The following ZFYVE16 variants were observed in gnomAD, a reference collection of about 807,000 sequenced individuals.
The protein encoded by ZFYVE16 is zinc finger FYVE-type containing 16.
A neutral mutation model predicts 138.1 loss-of-function variants in ZFYVE16; 89 were observed. The observed-to-expected ratio is 0.64, with a 90% CI of 0.54 to 0.77. The LOEUF (loss-of-function observed/expected upper bound fraction) is 0.77. Among genes scored for constraint, ZFYVE16 ranks in the 30% least tolerant of loss-of-function variants. ZFYVE16 has a pLI of 0.00. For missense variants in ZFYVE16, 1,793 were observed against 1,786.7 expected (o/e 1.00, Z -0.06); for synonymous variants, 596 against 618.3 (o/e 0.96, Z 0.53).
chr5:80,425,417 G>C (rs1747850759), intron 1 of ZFYVE16, among the ~76,000 whole-genome samples: 1 of 152,100 alleles, frequency 6.6e-6, no homozygotes, highest in Non-Finnish European at 1.5e-5. Flanking sequence ...CCTCTTATTT[G>C]TTTATTGTCT....
At chr5:80,462,401 T>G (rs906214706) in intron 15 of ZFYVE16, among the ~76,000 whole-genome samples, 1 of 152,162 alleles carries the variant, frequency 6.6e-6, no homozygotes, top group African/African-American at 2.4e-5. Flanking sequence ...GAAGAGCCCC[T>G]TATAAAACCA....
chr5:80,449,787 T>C (rs1580276311), intron 9 of ZFYVE16, 74 bp downstream of exon 9: 2 of 1,431,596 alleles, frequency 1.4e-6, no homozygotes, highest in East Asian at 2.5e-5. Flanking sequence ...TCAGGTTAGA[T>C]TTTGACTGGC....
chr5:80,407,799 C>G (rs1744814928), upstream of ZFYVE16, among the ~76,000 whole-genome samples: 1 of 152,328 alleles, frequency 6.6e-6, no homozygotes, highest in Middle Eastern at 3.4e-3. Context: ...CCCGATCCCG[C>G]AGTCGAGTGG....
chr5:80,440,986 C>A, intron 5 of ZFYVE16: 1 of 985,362 alleles, frequency 1.0e-6, no homozygotes, highest in Non-Finnish European at 1.2e-6. Context: ...CTGTTGACCT[C>A]TGCTCTGGAA....
rs1386365697 is a variant in ZFYVE16, at chr5:80,478,065, A to C, written c.*688A>C. 1 of 152,056 alleles carries C rather than the reference A, an allele frequency of 6.6e-6. No homozygotes were observed. The highest frequency in any genetic ancestry group is 2.4e-5 in the African/African-American group (1 of 41,432). 9.4% of individuals were successfully genotyped at this position (152,056 alleles called of 1,614,324 possible). ...GGGTGCTTCAGGACTTTTTGCTTCT[A>C]TATTTAAGTATATTGTTTTTATAGC... On this transcript the variant is annotated 3_prime_UTR_variant, in exon 19 of 19. Coordinates refer to ENST00000505560, the MANE Select transcript of ZFYVE16 (RefSeq NM_001284236.3).
intron 1 of ZFYVE16, among the ~76,000 whole-genome samples, chr5:80,411,077 C>T (rs1745384426): frequency 6.6e-6 from 1 of 151,688 alleles, no homozygotes; most frequent in African/African-American, 2.4e-5. Context: ...AAGCGATTCT[C>T]CTGCTTTAGC....
At chr5:80,475,406 A>G (rs1754802853) in intron 18 of ZFYVE16, among the ~76,000 whole-genome samples, 1 of 152,242 alleles carries the variant, frequency 6.6e-6, no homozygotes, top group African/African-American at 2.4e-5. Context: ...CCAGACTACA[A>G]TGTAAATGGT....
chr5:80,445,475 T>C, intron 7 of ZFYVE16, 70 bp downstream of exon 7: 1 of 1,404,176 alleles, frequency 7.1e-7, no homozygotes, highest in Non-Finnish European at 9.5e-7. Flanking sequence ...CTGGTGTGAT[T>C]ATTAGAGTGC....
chr5:80,413,111 G>A (rs1423460035), intron 1 of ZFYVE16, among the ~76,000 whole-genome samples: 1 of 152,064 alleles, frequency 6.6e-6, no homozygotes, highest in Non-Finnish European at 1.5e-5. Context: ...AGCACGTGGA[G>A]GCTATAGTGA....
At position 80,451,804 on chromosome 5, in the gene ZFYVE16, A is replaced by C. The variant is rs754463507; in HGVS notation, c.3607+95A>C. On this transcript the variant is annotated intron_variant, in intron 11 of 18. Transcript: ENST00000505560. ...CATTAAAATCAATTTTAATGGATTA[A>C]TGGAACTACTTTTGTTTTGCTATGC... is the stretch of plus-strand genomic sequence containing the variant. 3.3e-6 allele frequency: 4 copies of C among 1,194,240 alleles called. No individual in the cohort carries two copies. The South Asian group carries it at 6.0e-5, about 18-fold the overall frequency. 74.0% of individuals were successfully genotyped at this position (1,194,240 alleles called of 1,614,324 possible). A position where few individuals can be genotyped will look rare whatever the true frequency, so the allele number is the denominator to read the frequency against.
chr5:80,460,037 T>A (rs983971071), intron 15 of ZFYVE16, among the ~76,000 whole-genome samples: 10 of 152,170 alleles, frequency 6.6e-5, no homozygotes, highest in African/African-American at 2.4e-4. Context: ...GGCTGATAGA[T>A]TAGTAAATGT....
chr5:80,443,085 C>T (rs553731579), intron 5 of ZFYVE16, 38 bp from the exon 6 acceptor site: 2 of 1,482,424 alleles, frequency 1.3e-6, no homozygotes, highest in Admixed American at 5.5e-5. Context: ...ATTCCAAAAA[C>T]ATCTGAGATT....
At chr5:80,449,397 A>G (rs1446278183) in intron 8 of ZFYVE16, among the ~76,000 whole-genome samples, 194 bp from the exon 9 acceptor site, 1 of 152,232 alleles carries the variant, frequency 6.6e-6, no homozygotes, top group African/African-American at 2.4e-5. Context: ...GCATTACAGT[A>G]TTAGTAACTT....
intron 14 of ZFYVE16, among the ~76,000 whole-genome samples, chr5:80,458,581 T>A (rs1752775768): frequency 1.3e-5 from 2 of 152,208 alleles, no homozygotes; most frequent in Admixed American, 1.3e-4. Context: ...ACTTTACATT[T>A]TATATGTTGT....
At chr5:80,460,776 C>T (rs1388530343) in intron 15 of ZFYVE16, among the ~76,000 whole-genome samples, 1 of 151,532 alleles carries the variant, frequency 6.6e-6, no homozygotes, top group Non-Finnish European at 1.5e-5. Flanking sequence ...TTGCTTAACT[C>T]TGTACCGATT....
At chr5:80,474,461 TG>T (rs984766608) in intron 17 of ZFYVE16, among the ~76,000 whole-genome samples, 2 of 152,210 alleles carry the variant, frequency 1.3e-5, no homozygotes, top group Non-Finnish European at 2.9e-5. Context: ...AGGCAAAAAT[TG>T]CTGAGACATT....
Position 80,438,851 on chromosome 5 carries a change from TGAA to T in ZFYVE16, c.2169_2171del (p.Glu723del), listed in dbSNP as rs780810099. 8 of 1,614,066 alleles carry T rather than the reference TGAA, an allele frequency of 5.0e-6. No individual in the cohort carries two copies. Among genetic ancestry groups the T allele is most frequent in the Middle Eastern group, 1.6e-4 (1 of 6,062 alleles). On this transcript the variant is annotated inframe_deletion, in exon 4 of 19. Coordinates refer to ENST00000505560, the MANE Select transcript of ZFYVE16 (RefSeq NM_001284236.3). ...GTGGATCTAGTTTCGTAACTGCAAATGAAGATTCTGTACCTGAAAACACTTGCA... is the reference window on the plus strand; with the variant it reads ...GTGGATCTAGTTTCGTAACTGCAAATGATTCTGTACCTGAAAACACTTGCA...
chr5:80,459,169 C>T (rs554608736), intron 14 of ZFYVE16, among the ~76,000 whole-genome samples: 2 of 152,336 alleles, frequency 1.3e-5, no homozygotes, highest in Admixed American at 1.3e-4. Flanking sequence ...CTCAGGTGAT[C>T]TGCCCTTTTC....
intron 3 of ZFYVE16, among the ~76,000 whole-genome samples, chr5:80,435,149 C>T (rs1580197807): frequency 6.6e-6 from 1 of 152,238 alleles, no homozygotes; most frequent in Non-Finnish European, 1.5e-5. Context: ...ATTCTCCTGC[C>T]TCAGCCTCCC....
Sources: allele counts gnomAD v4.1 joint callset (sites outside exome capture counted in the v4.1 genomes callset), GRCh38; gene constraint gnomAD v4.1.1; transcripts MANE v1.5; gene names NCBI Gene and HGNC (gene_info 2026-07-23, HGNC 2026-07-21).